Variants in ITGB5 observed in about 807,000 individuals in gnomAD.
The protein encoded by ITGB5 is integrin beta-5.
Under a neutral mutation model 84.8 loss-of-function variants are expected in ITGB5, and 38 were observed. That is an observed-to-expected ratio of 0.45 (90% CI 0.35 to 0.59). The LOEUF (loss-of-function observed/expected upper bound fraction) is 0.59. Among genes scored for constraint, ITGB5 ranks in the 20% least tolerant of loss-of-function variants. The pLI is 0.01. For synonymous variants in ITGB5, 393 were observed against 414.4 expected, an observed-to-expected ratio of 0.95 and a Z score of 0.63; for missense variants, 905 against 1,034.5, an observed-to-expected ratio of 0.87 and a Z score of 1.72.
Position 124,862,523 on chromosome 3 carries a change from T to C in ITGB5, c.157-3077A>G, listed in dbSNP as rs185780657. On this transcript the variant is annotated intron_variant, in intron 2 of 14. Transcript: ENST00000296181. The stretch of plus-strand genomic sequence containing the variant: ...ATACTACCCATCATTGCAGAAGAAC[T>C]TGTACAGGGCCAAATGTATCTGCTG... The C allele has an allele frequency of 2.0e-5, 3 of 152,344 alleles. No homozygotes were observed. In the East Asian group the frequency reaches 5.8e-4, roughly 29 times the overall value. The allele number at this position is 152,344 out of a possible 1,614,324, so 9.4% of individuals were successfully genotyped here. A position where few individuals can be genotyped will look rare whatever the true frequency, so the allele number is the denominator to read the frequency against.
At chr3:124,820,664 G>A (rs1338951892) in intron 6 of ITGB5, among the ~76,000 whole-genome samples, 3 of 152,156 alleles carry the variant, frequency 2.0e-5, no homozygotes, top group Non-Finnish European at 4.4e-5. Flanking sequence ...TGCAGATTTT[G>A]GCAGGAAAAT....
At chr3:124,799,567 A>G (rs2064285569) in intron 9 of ITGB5, among the ~76,000 whole-genome samples, 1 of 152,118 alleles carries the variant, frequency 6.6e-6, no homozygotes, top group Non-Finnish European at 1.5e-5. Context: ...CTCAAAAAGA[A>G]AAAAAAAGCA....
At chr3:124,868,419 G>T (rs1299214714) in intron 2 of ITGB5, among the ~76,000 whole-genome samples, 1 of 151,986 alleles carries the variant, frequency 6.6e-6, no homozygotes, top group African/African-American at 2.4e-5. Context: ...GTAGGGGAGA[G>T]TCTGGCGACT....
intron 8 of ITGB5, among the ~76,000 whole-genome samples, chr3:124,813,324 C>T (rs1171966165): frequency 6.6e-6 from 1 of 152,156 alleles, no homozygotes; most frequent in East Asian, 1.9e-4. Context: ...GAGGATTTTT[C>T]CCCCACACAC....
rs946237564 is a variant in ITGB5, at chr3:124,779,987, G to A, written c.1694-6075C>T. ...CACCCAGAGCCTGAGGGAGCTGCTCGGCCAGTCTGAGCCTTGGCGGGGAGG... is the reference window on the plus strand; with the variant it reads ...CACCCAGAGCCTGAGGGAGCTGCTCAGCCAGTCTGAGCCTTGGCGGGGAGG... On this transcript the variant is annotated intron_variant, in intron 10 of 14. Transcript: ENST00000296181. Among the ~76,000 whole-genome samples, 3 of 152,314 alleles carry A rather than the reference G, an allele frequency of 2.0e-5. No individual in the cohort carries two copies. In the South Asian group the frequency reaches 6.2e-4, roughly 32 times the overall value.
chr3:124,822,035 C>T (rs979333914), intron 5 of ITGB5, among the ~76,000 whole-genome samples: 1 of 152,154 alleles, frequency 6.6e-6, no homozygotes, highest in African/African-American at 2.4e-5. Flanking sequence ...TAGATATAAA[C>T]CATTCCAATT....
chr3:124,769,593 A>T (rs1443973821), intron 11 of ITGB5: 1 of 152,496 alleles, frequency 6.6e-6, no homozygotes, highest in Non-Finnish European at 1.5e-5. Flanking sequence ...TCAACTCTCC[A>T]GGGAGCTTTC....
chr3:124,788,015 C>G (rs1017906557), intron 10 of ITGB5, among the ~76,000 whole-genome samples: 1 of 151,544 alleles, frequency 6.6e-6, no homozygotes, highest in African/African-American at 2.4e-5. Flanking sequence ...TCCAGTGGTC[C>G]TCCTACCTCA....
chr3:124,763,602 A>T lies in ITGB5; in HGVS notation c.*21T>A. ...GACCTTTTCATCAGATCCCCGCTCCAGCCCCTCGGAGAAGGAAACATCAGT... is the reference window on the plus strand; with the variant it reads ...GACCTTTTCATCAGATCCCCGCTCCTGCCCCTCGGAGAAGGAAACATCAGT... On this transcript the variant is annotated 3_prime_UTR_variant, in exon 15 of 15. Coordinates refer to ENST00000296181, the MANE Select transcript of ITGB5 (RefSeq NM_002213.5). 1 of 1,462,866 alleles carries T rather than the reference A, an allele frequency of 6.8e-7. No individual in the cohort carries two copies. The allele number at this position is 1,462,866 out of a possible 1,614,324, so 90.6% of individuals were successfully genotyped here.
intron 7 of ITGB5, 77 bp from the exon 8 acceptor site, chr3:124,817,787 G>T: frequency 1.3e-6 from 1 of 780,976 alleles, no homozygotes; most frequent in Non-Finnish European, 2.2e-6. Flanking sequence ...GCTATACTGG[G>T]CTAGAACAGT....
chr3:124,883,211 A>G (rs1934657373), intron 1 of ITGB5, among the ~76,000 whole-genome samples: 1 of 152,208 alleles, frequency 6.6e-6, no homozygotes, highest in South Asian at 2.1e-4. Context: ...GAATATTTCC[A>G]TGGCCAGGCT....
At chr3:124,775,902 G>A (rs895401204) in intron 10 of ITGB5, among the ~76,000 whole-genome samples, 7 of 152,182 alleles carry the variant, frequency 4.6e-5, no homozygotes, top group African/African-American at 1.7e-4. Context: ...GCGGCAGGGG[G>A]ACCATCTGGA....
rs200415084 is a variant in ITGB5 at position 124,809,023 on chromosome 3, G to A, written c.1262C>T (p.Thr421Met). 4.6e-5 allele frequency: 75 copies of A among 1,613,776 alleles called. 1 individual carries two copies. Among genetic ancestry groups the A allele is most frequent in the African/African-American group, 6.7e-5 (5 of 74,874 alleles). Residue 421 changes from threonine to methionine, a missense_variant and splice_region_variant, in exon 9 of 15, where the codon ACG (threonine) becomes ATG (methionine). By Grantham distance (81) the Thr-to-Met change is moderately conservative. Transcript: ENST00000296181. The stretch of plus-strand genomic sequence containing the variant: ...ATACAAACTTGGGGTGAGACTTACC[G>A]TGTCCCCAATCTTCAGACCCTCACA... Reference protein sequence around the residue: ...RKCEGLKIGDTASFEVSLEAR... With the variant: ...RKCEGLKIGDMASFEVSLEAR...
At chr3:124,770,765 T>TGAA (rs146799078) in intron 11 of ITGB5, among the ~76,000 whole-genome samples, 8,219 of 152,240 alleles carry the variant, frequency 0.054, 469 homozygotes, top group African/African-American at 0.14. Flanking sequence ...GGAAATATTC[T>TGAA]GAAGTTAGAA....
intron 2 of ITGB5, among the ~76,000 whole-genome samples, chr3:124,860,663 C>T (rs1192927037): frequency 6.6e-6 from 1 of 152,252 alleles, no homozygotes; most frequent in African/African-American, 2.4e-5. Flanking sequence ...AGATTCCCCC[C>T]ACTCTGGCAG....
chr3:124,798,410 A>C (rs959690294), intron 9 of ITGB5, among the ~76,000 whole-genome samples: 2 of 151,286 alleles, frequency 1.3e-5, no homozygotes. Context: ...TCTTCAGGTA[A>C]CAATGTTTTT....
chr3:124,815,555 G>T (rs546965254), intron 8 of ITGB5, among the ~76,000 whole-genome samples: 1 of 152,354 alleles, frequency 6.6e-6, no homozygotes, highest in South Asian at 2.1e-4. Context: ...CAGCAGCAGT[G>T]CACCTTCTGC....
chr3:124,879,842 T>C (rs1934489011), intron 1 of ITGB5, among the ~76,000 whole-genome samples: 1 of 152,204 alleles, frequency 6.6e-6, no homozygotes, highest in Non-Finnish European at 1.5e-5. Flanking sequence ...TAAGAAAGCT[T>C]ATTAGCTTTA....
Position 124,886,967 on chromosome 3 carries a change from G to A in ITGB5, c.34C>T (p.Leu12Phe), listed in dbSNP as rs1231128640. ...GGCAGGAGCGCGCAGAGCCCCAGGAGGCAGGCGTACAGCGGCGCCGGGGCC... is the reference window on the plus strand; with the variant it reads ...GGCAGGAGCGCGCAGAGCCCCAGGAAGCAGGCGTACAGCGGCGCCGGGGCC... ...PRAPAPLYAC[L>F]LGLCALLPRL... The change falls in exon 1 of 15, where the codon CTC becomes TTC. Residue 12 changes from leucine to phenylalanine, a missense_variant. Transcript: ENST00000296181. 5.0e-6 allele frequency: 6 copies of A among 1,206,160 alleles called. No homozygotes were observed. In the African/African-American group the frequency reaches 9.5e-5, roughly 19 times the overall value. The allele number at this position is 1,206,160 out of a possible 1,614,324, so 74.7% of individuals were successfully genotyped here. A position where few individuals can be genotyped will look rare whatever the true frequency, so the allele number is the denominator to read the frequency against.
Sources: gnomAD v4.1 joint callset for allele counts (sites outside exome capture counted in the v4.1 genomes callset) on GRCh38, gnomAD v4.1.1 for gene constraint, MANE v1.5 for transcripts, NCBI Gene and HGNC (gene_info 2026-07-23, HGNC 2026-07-21) for gene names.